The following TMEM132B variants were observed in gnomAD, a reference collection of about 807,000 sequenced individuals.
The protein encoded by TMEM132B is transmembrane protein 132B.
TMEM132B carries 18 observed loss-of-function variants against 90.8 expected under a neutral mutation model. The observed-to-expected ratio is 0.20, with a 90% confidence interval of 0.14 to 0.29. The LOEUF (loss-of-function observed/expected upper bound fraction) is 0.29, where lower values mean the gene tolerates loss of function less well. TMEM132B is among the 10% of genes least tolerant of loss of function. The pLI is 1.00. For synonymous variants in TMEM132B, 504 were observed against 523.3 expected, an observed-to-expected ratio of 0.96 and a Z score of 0.50; for missense variants, 1,096 against 1,326.8, an observed-to-expected ratio of 0.83 and a Z score of 2.70.
chr12:125,565,801 T>C (rs1884645341), intron 4 of TMEM132B, among the ~76,000 whole-genome samples: 1 of 152,224 alleles, frequency 6.6e-6, no homozygotes, highest in Admixed American at 6.5e-5. Flanking sequence ...GTTTGGGGTT[T>C]ATATGAGTAC....
At chr12:125,621,902 G>A (rs1428935938) in intron 5 of TMEM132B, among the ~76,000 whole-genome samples, 4 of 152,142 alleles carry the variant, frequency 2.6e-5, no homozygotes, top group African/African-American at 4.8e-5. Context: ...CCAAAGACAC[G>A]CTCTATTTGT....
intron 1 of TMEM132B, among the ~76,000 whole-genome samples, chr12:125,273,705 A>T (rs900780748): frequency 2.6e-5 from 4 of 152,196 alleles, no homozygotes; most frequent in African/African-American, 9.7e-5. Flanking sequence ...CACTAAGACA[A>T]CTAAGGCTAG....
chr12:125,648,487 T>C (rs1179598449), intron 6 of TMEM132B, among the ~76,000 whole-genome samples: 1 of 152,088 alleles, frequency 6.6e-6, no homozygotes, highest in Non-Finnish European at 1.5e-5. Context: ...GTTAGGAAGA[T>C]GCTAACTTCA....
chr12:125,351,264 T>C (rs538974199), intron 2 of TMEM132B, among the ~76,000 whole-genome samples: 7 of 152,282 alleles, frequency 4.6e-5, no homozygotes, highest in Non-Finnish European at 8.8e-5. Flanking sequence ...AATAAAACTT[T>C]AGTTACAAAA....
chr12:125,271,956 C>A (rs1396837609), intron 1 of TMEM132B, among the ~76,000 whole-genome samples: 2 of 152,086 alleles, frequency 1.3e-5, no homozygotes, highest in Non-Finnish European at 2.9e-5. Context: ...CCATAAATAG[C>A]CAGAAACCTT....
rs1482960289 is a variant in TMEM132B, at chr12:125,277,502, AACACACACACACACACACACACACACAT to A, written c.68-71937_68-71910del. ...TCAAAAAAAAAAGATGAAGAGGGAG[AACACACACACACACACACACACACACAT>A]ACACACACACACGGGAAGGCCATGT... is the stretch of plus-strand genomic sequence containing the variant. On this transcript the variant is annotated intron_variant, in intron 1 of 8. Transcript: ENST00000682704. This position sits in a 1 kb window ranked among gnomAD's most constrained non-coding sequence, Gnocchi z 4.3. Among the ~76,000 whole-genome samples the A allele has an allele frequency of 7.0e-6, 1 of 143,112 alleles. No homozygotes were observed. Among genetic ancestry groups the A allele is most frequent in the African/African-American group, 2.7e-5 (1 of 37,292 alleles). The allele number at this position is 143,112 out of a possible 152,430, so 93.9% of individuals were successfully genotyped here. A position where few individuals can be genotyped will look rare whatever the true frequency, so the allele number is the denominator to read the frequency against.
intron 1 of TMEM132B, among the ~76,000 whole-genome samples, chr12:125,243,050 CACAT>C (rs1443802156): frequency 4.9e-5 from 7 of 141,884 alleles, no homozygotes; most frequent in Admixed American, 1.4e-4. Flanking sequence ...CACACACACA[CACAT>C]ACATATATAC....
chr12:125,620,030 A>G (rs576173376), intron 5 of TMEM132B, among the ~76,000 whole-genome samples: 9 of 152,318 alleles, frequency 5.9e-5, no homozygotes, highest in Non-Finnish European at 1.3e-4. Context: ...CTGTTTAGTC[A>G]TCAGTAAGAT....
intron 1 of TMEM132B, among the ~76,000 whole-genome samples, chr12:125,265,486 T>C (rs1874669112): frequency 6.6e-6 from 1 of 152,218 alleles, no homozygotes; most frequent in South Asian, 2.1e-4. Flanking sequence ...CATCGATTTT[T>C]GGACCCCAGT....
intron 1 of TMEM132B, among the ~76,000 whole-genome samples, chr12:125,344,607 C>T (rs951277804): frequency 6.6e-6 from 1 of 152,144 alleles, no homozygotes; most frequent in Admixed American, 6.5e-5. Context: ...GTTCTCCCCT[C>T]TTCCTACCCG....
At chr12:125,624,040 A>G (rs992585031) in intron 5 of TMEM132B, among the ~76,000 whole-genome samples, 3 of 152,234 alleles carry the variant, frequency 2.0e-5, no homozygotes, top group African/African-American at 7.2e-5. Context: ...CCCTGCCCCA[A>G]GGCCCACACT....
intron 1 of TMEM132B, among the ~76,000 whole-genome samples, chr12:125,291,361 A>G (rs961653061): frequency 6.6e-6 from 1 of 152,228 alleles, no homozygotes; most frequent in African/African-American, 2.4e-5. Context: ...TAACAAAGTG[A>G]GATTGTCCAG....
intron 1 of TMEM132B, among the ~76,000 whole-genome samples, chr12:125,203,774 G>T (rs561727293): frequency 6.6e-6 from 1 of 152,144 alleles, no homozygotes; most frequent in African/African-American, 2.4e-5. Flanking sequence ...TTTCTCATAG[G>T]TTGGCAGACA....
chr12:125,592,809 G>A (rs1166397664), intron 5 of TMEM132B, among the ~76,000 whole-genome samples: 1 of 152,178 alleles, frequency 6.6e-6, no homozygotes, highest in Non-Finnish European at 1.5e-5. Flanking sequence ...ATGTCACTGA[G>A]CAACATACAT....
chr12:125,311,257 C>G (rs550281943), intron 1 of TMEM132B, among the ~76,000 whole-genome samples: 3 of 152,332 alleles, frequency 2.0e-5, no homozygotes, highest in African/African-American at 7.2e-5. Context: ...GTCACCGTTA[C>G]AAGAGCGGTG....
At chr12:125,252,687 C>T (rs1874342927) in intron 1 of TMEM132B, among the ~76,000 whole-genome samples, 1 of 152,196 alleles carries the variant, frequency 6.6e-6, no homozygotes, top group Non-Finnish European at 1.5e-5. Flanking sequence ...CCTAATCCTG[C>T]CTCCCACAGA....
chr12:125,341,098 C>G (rs12319093), intron 1 of TMEM132B, among the ~76,000 whole-genome samples: 1 of 152,188 alleles, frequency 6.6e-6, no homozygotes, highest in African/African-American at 2.4e-5. Context: ...TCACTGATTA[C>G]GCTCTTACAA....
chr12:125,268,654 G>A (rs1406990745), intron 1 of TMEM132B, among the ~76,000 whole-genome samples: 1 of 152,156 alleles, frequency 6.6e-6, no homozygotes, highest in Non-Finnish European at 1.5e-5. Flanking sequence ...CGATATTTTT[G>A]CAAGGTTCAT....
chr12:125,485,277 C>G (rs182975275), intron 3 of TMEM132B, among the ~76,000 whole-genome samples: 1 of 152,128 alleles, frequency 6.6e-6, no homozygotes, highest in Non-Finnish European at 1.5e-5. Flanking sequence ...TTTTTGACTT[C>G]CGCAAAGTGT....
Sources: allele counts gnomAD v4.1 joint callset (sites outside exome capture counted in the v4.1 genomes callset), GRCh38; gene constraint gnomAD v4.1.1; non-coding constraint Gnocchi (gnomAD v3.1); transcripts MANE v1.5; gene names NCBI Gene and HGNC (gene_info 2026-07-23, HGNC 2026-07-21).